The following PRELID2 variants were observed in gnomAD, a reference collection of about 807,000 sequenced individuals.
The protein encoded by PRELID2 is PRELI domain-containing protein 2.
In PRELID2, 25 loss-of-function variants were observed where a neutral mutation model predicts 28.4. That is an observed-to-expected ratio of 0.88 (90% CI 0.64 to 1.23). The LOEUF is 1.23. PRELID2 is among the 50% of genes most tolerant of loss of function. The pLI is 0.00. For synonymous variants in PRELID2, 76 were observed against 71.6 expected, an observed-to-expected ratio of 1.06 and a Z score of -0.31; for missense variants, 201 against 214.4, an observed-to-expected ratio of 0.94 and a Z score of 0.39.
chr5:145,474,700 T>C (rs1461207279), intron 1 of PRELID2, among the ~76,000 whole-genome samples: 1 of 152,170 alleles, frequency 6.6e-6, no homozygotes, highest in Non-Finnish European at 1.5e-5. Flanking sequence ...TATATAGTTA[T>C]TCGGGGGGTC....
At chr5:145,248,879 G>A in the PRELID2 span, among the ~76,000 whole-genome samples, 1 of 152,216 alleles carries the variant, frequency 6.6e-6, no homozygotes, top group East Asian at 1.9e-4. Context: ...ACTCACTGAA[G>A]CAATAATCAG....
chr5:145,443,689 A>G, the PRELID2 span, among the ~76,000 whole-genome samples: 1 of 152,080 alleles, frequency 6.6e-6, no homozygotes, highest in Non-Finnish European at 1.5e-5. Flanking sequence ...GCTTGAAAAC[A>G]AATTCCCTCC....
chr5:145,773,715 T>C (rs1445104906), intron 5 of PRELID2, among the ~76,000 whole-genome samples: 1 of 152,212 alleles, frequency 6.6e-6, no homozygotes, highest in South Asian at 2.1e-4. Context: ...AGCAACAAGG[T>C]TCCTATTATT....
At chr5:145,481,118 T>C (rs1429593614) in intron 1 of PRELID2, among the ~76,000 whole-genome samples, 1 of 152,138 alleles carries the variant, frequency 6.6e-6, no homozygotes, top group African/African-American at 2.4e-5. Context: ...TATCGTAAGA[T>C]AAAAGCCCTA....
chr5:145,588,342 G>T (rs944001784), intron 1 of PRELID2, among the ~76,000 whole-genome samples: 10 of 151,994 alleles, frequency 6.6e-5, no homozygotes, highest in Non-Finnish European at 1.5e-4. Flanking sequence ...CTCCCTGCAG[G>T]CTCCTACTCA....
At chr5:145,576,795 A>G (rs1014270700) in intron 1 of PRELID2, among the ~76,000 whole-genome samples, 3 of 152,180 alleles carry the variant, frequency 2.0e-5, no homozygotes, top group Non-Finnish European at 4.4e-5. Context: ...ATATATTTCA[A>G]AATAGCTGGA....
the PRELID2 span, among the ~76,000 whole-genome samples, chr5:145,295,652 T>C: frequency 1.3e-5 from 2 of 152,110 alleles, no homozygotes; most frequent in Non-Finnish European, 1.5e-5. Flanking sequence ...TCTTTAGAGA[T>C]CTTAAGACCC....
At chr5:145,584,282 A>G (rs920084257) in intron 1 of PRELID2, among the ~76,000 whole-genome samples, 1 of 152,168 alleles carries the variant, frequency 6.6e-6, no homozygotes, top group Non-Finnish European at 1.5e-5. Context: ...TTATACAAAA[A>G]TTAACTCAAG....
chr5:145,552,572 G>A (rs1752845100), intron 1 of PRELID2, among the ~76,000 whole-genome samples: 1 of 152,030 alleles, frequency 6.6e-6, no homozygotes, highest in Non-Finnish European at 1.5e-5. Context: ...GGATACAAGA[G>A]GAGATGCTTG....
intron 5 of PRELID2, among the ~76,000 whole-genome samples, chr5:145,784,789 T>C (rs1428724487): frequency 7.5e-6 from 1 of 132,984 alleles, no homozygotes; most frequent in Non-Finnish European, 1.5e-5. Context: ...CAACTTTGTT[T>C]TTTTTTTTTT....
At chr5:145,421,557 T>C in the PRELID2 span, among the ~76,000 whole-genome samples, 4 of 145,184 alleles carry the variant, frequency 2.8e-5, no homozygotes, top group African/African-American at 7.6e-5. Context: ...GTAGTTTGTA[T>C]TTCTGTGGGA....
intron 1 of PRELID2, among the ~76,000 whole-genome samples, chr5:145,497,035 T>A (rs1465135011): frequency 6.6e-6 from 1 of 151,432 alleles, no homozygotes; most frequent in Non-Finnish European, 1.5e-5. Context: ...GTTATTTGTT[T>A]TTAATTTTTA....
At chr5:145,584,837 G>A (rs556912548) in intron 1 of PRELID2, among the ~76,000 whole-genome samples, 3 of 152,274 alleles carry the variant, frequency 2.0e-5, no homozygotes, top group East Asian at 3.9e-4. Flanking sequence ...ACTGTTGGTG[G>A]AAGTGTGAAT....
At chr5:145,341,092 C>A in the PRELID2 span, among the ~76,000 whole-genome samples, 2 of 151,588 alleles carry the variant, frequency 1.3e-5, no homozygotes, top group African/African-American at 4.8e-5. Context: ...ATATATAGAT[C>A]TTCAGGGAAA....
At chr5:145,761,500 T>G (rs897537795) in intron 6 of PRELID2, among the ~76,000 whole-genome samples, 10 of 152,146 alleles carry the variant, frequency 6.6e-5, no homozygotes, top group African/African-American at 2.4e-4. Flanking sequence ...AACTATAAAC[T>G]TTAGGGGTAA....
chr5:145,340,845 G>A, the PRELID2 span, among the ~76,000 whole-genome samples: 1 of 145,438 alleles, frequency 6.9e-6, no homozygotes, highest in East Asian at 2.1e-4. Flanking sequence ...AGCTGCTCTG[G>A]GGCCCAAGAA....
At chr5:145,461,451 C>T in the PRELID2 span, among the ~76,000 whole-genome samples, 19 of 152,182 alleles carry the variant, frequency 1.2e-4, no homozygotes, top group East Asian at 2.9e-3. Flanking sequence ...TACAGGCACC[C>T]GCCACCACAC....
At chr5:145,550,008 C>T (rs1752821351) in intron 1 of PRELID2, among the ~76,000 whole-genome samples, 1 of 152,094 alleles carries the variant, frequency 6.6e-6, no homozygotes, top group African/African-American at 2.4e-5. Flanking sequence ...GGTGGGAAGG[C>T]AGGGACTGGG....
intron 5 of PRELID2, among the ~76,000 whole-genome samples, chr5:145,783,524 A>C (rs1751772505): frequency 6.6e-6 from 1 of 152,202 alleles, no homozygotes; most frequent in Admixed American, 6.5e-5. Flanking sequence ...TAAAAATCAG[A>C]ATTCTTGGTA....
Sources: gnomAD v4.1 joint callset for allele counts (sites outside exome capture counted in the v4.1 genomes callset) on GRCh38, gnomAD v4.1.1 for gene constraint, MANE v1.5 for transcripts, NCBI Gene and HGNC (gene_info 2026-07-23, HGNC 2026-07-21) for gene names.